TSPAN2: variants seen among roughly 807,000 people sequenced by gnomAD.
The protein encoded by TSPAN2 is tetraspanin-2.
A neutral mutation model predicts 33.3 loss-of-function variants in TSPAN2; 24 were observed. That is an observed-to-expected ratio of 0.72 (90% CI 0.52 to 1.01). The LOEUF is 1.01. TSPAN2 is among the 50% of genes least tolerant of loss of function. The pLI, the probability that TSPAN2 is intolerant of heterozygous loss-of-function variation, is 0.00. For synonymous variants in TSPAN2, 114 were observed against 104.5 expected, an observed-to-expected ratio of 1.09 and a Z score of -0.56; for missense variants, 278 against 281.3, an observed-to-expected ratio of 0.99 and a Z score of 0.08.
chr1:115,089,212 CTTTG>C (rs1168432408), intron 1 of TSPAN2, 148 bp downstream of exon 1: 2 of 542,612 alleles, frequency 3.7e-6, no homozygotes, highest in East Asian at 6.9e-5. Flanking sequence ...TCCCCTCCCT[CTTTG>C]TTTGCCTTCT....
intron 2 of TSPAN2, among the ~76,000 whole-genome samples, chr1:115,067,311 T>A (rs1370866267): frequency 6.6e-6 from 1 of 152,212 alleles, no homozygotes; most frequent in African/African-American, 2.4e-5. Flanking sequence ...ACTTGAGATG[T>A]CTAGAATTGA....
intron 1 of TSPAN2, among the ~76,000 whole-genome samples, chr1:115,083,081 C>A (rs1209682868): frequency 6.6e-6 from 1 of 152,236 alleles, no homozygotes; most frequent in African/African-American, 2.4e-5. Context: ...CGAGTTAATT[C>A]ATCTGTAAGA....
chr1:115,050,584 C>A (rs1675288778), intron 7 of TSPAN2, 29 bp from the exon 8 acceptor site: 2 of 1,606,362 alleles, frequency 1.2e-6, no homozygotes, highest in Middle Eastern at 1.7e-4. Flanking sequence ...TCATCAGTGA[C>A]TTTGAAACGG....
chr1:115,052,516 C>T (rs958441384), intron 7 of TSPAN2, among the ~76,000 whole-genome samples: 1 of 152,194 alleles, frequency 6.6e-6, no homozygotes, highest in Admixed American at 6.5e-5. Flanking sequence ...TGGTGACTCC[C>T]CTTTCCTTAA....
At chr1:115,073,909 C>T (rs942018565) in intron 1 of TSPAN2, among the ~76,000 whole-genome samples, 7 of 152,204 alleles carry the variant, frequency 4.6e-5, no homozygotes, top group Admixed American at 4.6e-4. Flanking sequence ...TGCTGCGTGC[C>T]AGCAGGCTCT....
rs1330275823 is a variant in TSPAN2 at position 115,081,439 on chromosome 1, GTTC to G, written c.69+7922_69+7924del. Among the ~76,000 whole-genome samples, 5 of 152,198 alleles carry G rather than the reference GTTC, an allele frequency of 3.3e-5. No individual in the cohort carries two copies. In the East Asian group the frequency reaches 9.6e-4, roughly 29 times the overall value. On this transcript the variant is annotated intron_variant, in intron 1 of 7. Transcript: ENST00000369516. ...ACACATCCTGGAATATCTGCCAACT[GTTC>G]TTCTAGAAATTCACCTCTTCTGGGT...
At chr1:115,059,199 T>C (rs540685945) in intron 4 of TSPAN2, among the ~76,000 whole-genome samples, 1 of 152,146 alleles carries the variant, frequency 6.6e-6, no homozygotes, top group Admixed American at 6.5e-5. Context: ...GGGTGATGGG[T>C]GCACCAAAAT....
chr1:115,077,790 C>T (rs1317030067), intron 1 of TSPAN2, among the ~76,000 whole-genome samples: 1 of 152,172 alleles, frequency 6.6e-6, no homozygotes, highest in Non-Finnish European at 1.5e-5. Flanking sequence ...TCACAAATTG[C>T]AAACATGGTC....
At chr1:115,085,609 C>T (rs4839412) in intron 1 of TSPAN2, among the ~76,000 whole-genome samples, 27,447 of 152,100 alleles carry the variant, frequency 0.18, 3,054 homozygotes, top group East Asian at 0.39. Context: ...AAAGTCTGGC[C>T]TTCTAGGAAA....
At position 115,049,856 on chromosome 1, in the gene TSPAN2, A is replaced by G. The variant is rs1403346565; in HGVS notation, c.*634T>C. The stretch of plus-strand genomic sequence containing the variant: ...TTTTATTTTTAAATTCTAGGAAAGC[A>G]TGACTTATTCAAATTGGATTTTCCA... On this transcript the variant is annotated 3_prime_UTR_variant, in exon 8 of 8. Coordinates refer to ENST00000369516, the MANE Select transcript of TSPAN2 (RefSeq NM_005725.6). The G allele has an allele frequency of 6.6e-6, 1 of 152,662 alleles. No homozygotes were observed. The highest frequency in any genetic ancestry group is 1.9e-4 in the East Asian group (1 of 5,198). The allele number at this position is 152,662 out of a possible 1,614,324, so 9.5% of individuals were successfully genotyped here.
At chr1:115,065,059 C>A (rs1177735234) in intron 2 of TSPAN2, among the ~76,000 whole-genome samples, 1 of 152,196 alleles carries the variant, frequency 6.6e-6, no homozygotes, top group African/African-American at 2.4e-5. Flanking sequence ...CCTGAAGCTG[C>A]CCTAGCAGCT....
rs767750982 is a variant in TSPAN2 at position 115,058,993 on chromosome 1, C to T, written c.346-12G>A. On this transcript the variant is annotated splice_polypyrimidine_tract_variant and intron_variant, in intron 4 of 7. Transcript: ENST00000369516. ...ACATGTCGGATAGCCTGAAGAAATA[C>T]AAGGAAAAATGAAGGACTTCTGGGT... 49 of 1,604,000 alleles carry T rather than the reference C, an allele frequency of 3.1e-5. No homozygotes were observed. The highest frequency in any genetic ancestry group is 1.5e-4 in the South Asian group (13 of 89,162).
At chr1:115,062,797 G>A (rs1465870924) in intron 2 of TSPAN2, among the ~76,000 whole-genome samples, 4 of 152,186 alleles carry the variant, frequency 2.6e-5, no homozygotes, top group African/African-American at 9.7e-5. Context: ...CTGGTGCCCC[G>A]CCTCTGTGGG....
At chr1:115,089,312 G>GCCCCCCAC in intron 1 of TSPAN2, 52 bp downstream of exon 1, 10 of 1,389,166 alleles carry the variant, frequency 7.2e-6, no homozygotes, top group African/African-American at 1.5e-5. Flanking sequence ...CCGGCCCCGC[G>GCCCCCCAC]CCCGCCACCC....
In TSPAN2 at chr1:115,068,745, T is replaced by C. The variant is rs367860320; in HGVS notation, c.172+4160A>G. 2.2e-4 allele frequency among the ~76,000 whole-genome samples: 34 copies of C among 152,214 alleles called. 5 individuals carry two copies. Among genetic ancestry groups the C allele is most frequent in the Admixed American group, 2.0e-3 (30 of 15,286 alleles). On this transcript the variant is annotated intron_variant, in intron 2 of 7. Transcript: ENST00000369516. Reference sequence around the variant, plus strand: ...TTTTGTTGCTGGAGAGCAGGTATCTTATGTGGAAAATTATTTACTGAGGAA... The same window carrying C: ...TTTTGTTGCTGGAGAGCAGGTATCTCATGTGGAAAATTATTTACTGAGGAA...
At chr1:115,070,682 T>G (rs1329331049) in intron 2 of TSPAN2, among the ~76,000 whole-genome samples, 1 of 151,986 alleles carries the variant, frequency 6.6e-6, no homozygotes, top group African/African-American at 2.4e-5. Context: ...CTAGTCCCCA[T>G]TTTTCCTCTT....
At chr1:115,063,132 T>A (rs368142318) in intron 2 of TSPAN2, among the ~76,000 whole-genome samples, 3 of 152,198 alleles carry the variant, frequency 2.0e-5, no homozygotes, top group Admixed American at 6.5e-5. Flanking sequence ...ATAGTGTTGT[T>A]GGCCCCACTA....
intron 2 of TSPAN2, among the ~76,000 whole-genome samples, chr1:115,068,578 T>C (rs538842394): frequency 6.6e-6 from 1 of 152,294 alleles, no homozygotes; most frequent in Non-Finnish European, 1.5e-5. Flanking sequence ...GAAAAGGAAA[T>C]ACCCAGATCA....
chr1:115,062,813 C>T (rs1240629218), intron 2 of TSPAN2, among the ~76,000 whole-genome samples: 1 of 152,190 alleles, frequency 6.6e-6, no homozygotes, highest in Non-Finnish European at 1.5e-5. Context: ...GTGGGGAACC[C>T]CTGGGCCTGG....
Sources: allele counts gnomAD v4.1 joint callset (sites outside exome capture counted in the v4.1 genomes callset), GRCh38; gene constraint gnomAD v4.1.1; transcripts MANE v1.5; gene names NCBI Gene and HGNC (gene_info 2026-07-23, HGNC 2026-07-21).